The following DST variants were observed in gnomAD, a reference collection of about 807,000 sequenced individuals.
DST encodes the protein bullous pemphigoid antigen.
A neutral mutation model predicts 875.2 loss-of-function variants in DST; 253 were observed. The ratio of observed to expected loss-of-function variants is 0.29; its 90% CI spans 0.26 to 0.32. The LOEUF (loss-of-function observed/expected upper bound fraction) is 0.32. DST is among the 10% of genes least tolerant of loss of function. The pLI, the probability that DST is intolerant of heterozygous loss-of-function variation, is 1.00. For synonymous variants in DST, 3,124 were observed against 3,197.1 expected (o/e 0.98, Z 0.77); for missense variants, 8,287 against 9,111.6 (o/e 0.91, Z 3.68).
intron 4 of DST, among the ~76,000 whole-genome samples, chr6:56,798,537 C>A (rs558259534): frequency 6.6e-6 from 1 of 152,196 alleles, no homozygotes; most frequent in South Asian, 2.1e-4. Context: ...TGGCAATGTA[C>A]CTAGTCCAAG....
chr6:56,604,586 A>G lies in DST; in HGVS notation c.10042T>C (p.Ser3348Pro). 6.2e-7 allele frequency: 1 copy of G among 1,611,882 alleles called. No homozygotes were observed. Among genetic ancestry groups the G allele is most frequent in the African/African-American group, 1.3e-5 (1 of 74,828 alleles). ...QEKEVQIPEL[S>P]QVFVEDVKDI... Reference sequence around the variant, plus strand: ...TTTACATCCTCCACAAATACCTGAGACAATTCAGGAATCTGAACCTCCTTT... The same window carrying G: ...TTTACATCCTCCACAAATACCTGAGGCAATTCAGGAATCTGAACCTCCTTT... The change falls in exon 40 of 104, where the codon TCT becomes CCT. Residue 3348 changes from serine to proline, a missense_variant. Transcript: ENST00000680361.
intron 2 of DST, among the ~76,000 whole-genome samples, chr6:56,925,291 C>T (rs1176522544): frequency 2.0e-5 from 3 of 152,096 alleles, no homozygotes; most frequent in African/African-American, 7.2e-5. Context: ...ATTTAAAAAG[C>T]TTTCTTAGCA....
chr6:56,651,092 C>T (rs762314536), intron 11 of DST, 40 bp downstream of exon 11: 8 of 1,589,300 alleles, frequency 5.0e-6, no homozygotes, highest in Non-Finnish European at 6.0e-6. Flanking sequence ...TTTGATCAGA[C>T]TTTCATGCCA....
At chr6:56,843,473 GGGGCGTGCGGCGAGGGC>G (rs2099803015) in intron 4 of DST, 1 of 996,666 alleles carries the variant, frequency 1.0e-6, no homozygotes, top group South Asian at 4.6e-5. Flanking sequence ...GCGGAGGAGC[GGGGCGTGCGGCGAGGGC>G]GGGCGGGGGC....
chr6:56,652,332 T>C (rs1367710734), intron 10 of DST, among the ~76,000 whole-genome samples: 1 of 152,084 alleles, frequency 6.6e-6, no homozygotes. Flanking sequence ...AAACAAAGCA[T>C]TGAAAGACTA....
At chr6:56,511,506 C>T in intron 72 of DST, 106 bp from the exon 73 acceptor site, 2 of 852,260 alleles carry the variant, frequency 2.3e-6, no homozygotes, top group Non-Finnish European at 3.7e-6. Flanking sequence ...AAACAAACCC[C>T]TCCCCATCAC....
At chr6:56,918,444 T>C (rs1014410334) in intron 2 of DST, among the ~76,000 whole-genome samples, 1 of 152,124 alleles carries the variant, frequency 6.6e-6, no homozygotes, top group African/African-American at 2.4e-5. Flanking sequence ...ACTGAATAAT[T>C]TTCTAGTTTA....
chr6:56,809,238 A>G (rs890528970), intron 4 of DST, among the ~76,000 whole-genome samples: 2 of 152,092 alleles, frequency 1.3e-5, no homozygotes, highest in Non-Finnish European at 2.9e-5. Context: ...TCCAAAGTCA[A>G]TCTCATCAGT....
Position 56,631,959 on chromosome 6 carries a change from C to T in DST, c.3887G>A (p.Arg1296Gln), listed in dbSNP as rs775800563. 4 of 1,613,586 alleles carry T rather than the reference C, an allele frequency of 2.5e-6. No homozygotes were observed. Among genetic ancestry groups the T allele is most frequent in the Non-Finnish European group, 3.4e-6 (4 of 1,179,586 alleles). ...IRLRLENCED[R>Q]LIRQIRTPLE... ...GGGAGTTCGAATCTGTCTAATCAGC[C>T]GATCTTCACAGTTCTCTAACCGAAG... The change falls in exon 29 of 104, where the codon CGG (arginine) becomes CAG (glutamine). Residue 1296 changes from arginine (R) to glutamine (Q), a missense_variant. This residue lies in a region of DST where 3,138 missense variants were observed against 3,116.6 expected (regional missense o/e 1.01). Coordinates refer to ENST00000680361, the MANE Select transcript of DST (RefSeq NM_001374736.1).
At chr6:56,784,053 C>G (rs902823466) in intron 4 of DST, among the ~76,000 whole-genome samples, 6 of 152,152 alleles carry the variant, frequency 3.9e-5, no homozygotes, top group African/African-American at 1.4e-4. Flanking sequence ...AATATTGGCC[C>G]CCACTCTCTT....
intron 73 of DST, 81 bp from the exon 74 acceptor site, chr6:56,509,954 T>A (rs1299790678): frequency 5.1e-5 from 57 of 1,125,922 alleles, no homozygotes; most frequent in Non-Finnish European, 6.6e-5. Context: ...AAACATTTTT[T>A]ACAATTTAAT....
chr6:56,599,902 C>T (rs539725461), intron 45 of DST, among the ~76,000 whole-genome samples, 167 bp downstream of exon 45: 39 of 152,110 alleles, frequency 2.6e-4, no homozygotes, highest in Non-Finnish European at 4.4e-4. Context: ...AGTTGGAAAT[C>T]TAACTTTTAG....
chr6:56,618,347 G>A lies in DST; in HGVS notation c.4930-3863C>T, dbSNP rs199657983. The A allele has an allele frequency of 3.1e-6, 5 of 1,614,122 alleles. No individual in the cohort carries two copies. In the Admixed American group the frequency reaches 8.3e-5, roughly 27 times the overall value. Reference sequence around the variant, plus strand: ...GTGAAGGTGTCCAGTGTTTCTAGAGGACAGCTCTCCAGAGTGCTGGCACTC... The same window carrying A: ...GTGAAGGTGTCCAGTGTTTCTAGAGAACAGCTCTCCAGAGTGCTGGCACTC... On this transcript the variant is annotated intron_variant, in intron 36 of 103. Transcript: ENST00000680361.
intron 13 of DST, among the ~76,000 whole-genome samples, chr6:56,646,759 ATTAAGTTACTATCTAG>A (rs2098945222): frequency 6.6e-6 from 1 of 152,208 alleles, no homozygotes; most frequent in Admixed American, 6.5e-5. Context: ...CAACCGTGTA[ATTAAGTTACTATCTAG>A]TTTGTATACA....
chr6:56,648,511 G>C, intron 13 of DST, 59 bp downstream of exon 13: 1 of 1,433,472 alleles, frequency 7.0e-7, no homozygotes, highest in Non-Finnish European at 9.3e-7. Context: ...AATTATTATA[G>C]CATTACTTAA....
chr6:56,894,139 C>T (rs1175846870), intron 3 of DST, among the ~76,000 whole-genome samples: 2 of 23,168 alleles, frequency 8.6e-5, no homozygotes, highest in Non-Finnish European at 1.5e-4. Flanking sequence ...GGGTCGTGGC[C>T]GGGCAGAGGG....
At chr6:56,835,779 C>A (rs1204855288) in intron 4 of DST, among the ~76,000 whole-genome samples, 3 of 152,158 alleles carry the variant, frequency 2.0e-5, no homozygotes, top group Non-Finnish European at 4.4e-5. Context: ...TACAGGGGCA[C>A]TAGAACAATA....
intron 100 of DST, 41 bp downstream of exon 100, chr6:56,464,639 AAAGAG>A (rs1350885761): frequency 7.5e-7 from 1 of 1,337,432 alleles, no homozygotes; most frequent in Non-Finnish European, 1.1e-6. Flanking sequence ...GAAAAGTAGG[AAAGAG>A]AAAAGGAAAG....
intron 49 of DST, among the ~76,000 whole-genome samples, chr6:56,583,026 T>C (rs546331184): frequency 1.3e-5 from 2 of 152,306 alleles, no homozygotes; most frequent in East Asian, 1.9e-4. Flanking sequence ...TCCAAGTCTT[T>C]GCTATTGTGA....
Sources: gnomAD v4.1 joint callset for allele counts (sites outside exome capture counted in the v4.1 genomes callset) on GRCh38, gnomAD v4.1.1 for gene constraint, gnomAD v4.1.1 regional missense constraint, MANE v1.5 for transcripts, NCBI Gene and HGNC (gene_info 2026-07-23, HGNC 2026-07-21) for gene names.